The following SLC12A7 variants were observed in gnomAD, a reference collection of about 807,000 sequenced individuals.
SLC12A7 encodes K-Cl cotransporter 4.
A neutral mutation model predicts 120.6 loss-of-function variants in SLC12A7; 100 were observed. That is an observed-to-expected ratio of 0.83 (90% CI 0.71 to 0.98). The LOEUF is 0.98. SLC12A7 is among the 50% of genes least tolerant of loss of function. The pLI is 0.00. For missense variants in SLC12A7, 1,373 were observed against 1,548.1 expected (o/e 0.89, Z 1.90); for synonymous variants, 760 against 678.0 (o/e 1.12, Z -1.88).
At chr5:1,096,779 GGGAGGGAGGGAA>G (rs1741241614) in intron 1 of SLC12A7, among the ~76,000 whole-genome samples, 1 of 7,044 alleles carries the variant, frequency 1.4e-4, no homozygotes, top group Non-Finnish European at 2.8e-4. Context: ...GAGGGAGGGG[GGGAGGGAGGGAA>G]GGAAGGAGGG....
rs533563572 is a variant in SLC12A7 at position 1,078,819 on chromosome 5, G to C, written c.1397-61C>G. 1,266 of 628,922 alleles carry C rather than the reference G, an allele frequency of 2.0e-3. 18 individuals are homozygous for C. In the African/African-American group the frequency reaches 0.02, roughly 10 times the overall value. The allele number at this position is 628,922 out of a possible 1,614,324, so 39.0% of individuals were successfully genotyped here. A position where few individuals can be genotyped will look rare whatever the true frequency, so the allele number is the denominator to read the frequency against. On this transcript the variant is annotated intron_variant, in intron 10 of 23. Transcript: ENST00000264930. ...TGCAGGGTCCTCAGGTACGGGGGGT[G>C]GGGTGGGGTGGGGTGGGGTGGGTGG...
intron 3 of SLC12A7, among the ~76,000 whole-genome samples, chr5:1,090,485 G>A (rs1740375922): frequency 6.6e-6 from 1 of 152,202 alleles, no homozygotes; most frequent in Non-Finnish European, 1.5e-5. Context: ...ATCTGGGTAT[G>A]CTTTGTTCTT....
the SLC12A7 span, among the ~76,000 whole-genome samples, chr5:1,127,579 G>C: frequency 1.3e-5 from 2 of 152,226 alleles, no homozygotes; most frequent in Admixed American, 1.3e-4. Flanking sequence ...ACAGCAGTCC[G>C]AGGAAACTGA....
intron 3 of SLC12A7, among the ~76,000 whole-genome samples, chr5:1,089,444 C>T (rs1013648178): frequency 2.6e-5 from 4 of 152,140 alleles, no homozygotes; most frequent in Admixed American, 6.5e-5. Flanking sequence ...AGAGGGAGAA[C>T]GAGAGGGCCC....
intron 1 of SLC12A7, among the ~76,000 whole-genome samples, chr5:1,110,371 G>A (rs377535245): frequency 1.3e-5 from 2 of 152,254 alleles, no homozygotes; most frequent in African/African-American, 2.4e-5. Context: ...CTGAGTGCGC[G>A]GGCAGCGACA....
rs903722954 is a variant in SLC12A7, at chr5:1,060,650, C to T, written c.2740-199G>A. 7.9e-4 allele frequency among the ~76,000 whole-genome samples: 120 copies of T among 152,212 alleles called. 1 individual carries two copies. The highest frequency in any genetic ancestry group is 2.7e-3 in the African/African-American group (110 of 41,452). On this transcript the variant is annotated intron_variant, in intron 20 of 23. Transcript: ENST00000264930. ...GTGAGCGCACGATGGGCAGTCACGC[C>T]GCACACACGCTCTGCTCATGTCCCT...
Position 1,073,633 on chromosome 5 carries a change from C to T in SLC12A7, c.2241G>A (p.Glu747=). 1 of 1,600,606 alleles carries T rather than the reference C, an allele frequency of 6.2e-7. No individual in the cohort carries two copies. Among genetic ancestry groups the T allele is most frequent in the East Asian group, 2.3e-5 (1 of 43,426 alleles). Reference sequence around the variant, plus strand: ...GGCCCCCAGACCCCGCCCGGCCCACCTCCTCGGCCCGCTGAGCCTCCATGT... The same window carrying T: ...GGCCCCCAGACCCCGCCCGGCCCACTTCCTCGGCCCGCTGAGCCTCCATGT... ...DKHMEAQRAE[E]NIRSLMSTEK... Residue 747 remains glutamate (E), a splice_region_variant and synonymous_variant, in exon 17 of 24, where the codon GAG becomes GAA. Coordinates refer to ENST00000264930, the MANE Select transcript of SLC12A7 (RefSeq NM_006598.3).
chr5:1,085,126 T>C, intron 7 of SLC12A7, 106 bp downstream of exon 7: 3 of 1,469,578 alleles, frequency 2.0e-6, no homozygotes, highest in East Asian at 2.4e-5. Flanking sequence ...AGCCCACCCC[T>C]TGCGGGGAGC....
intron 1 of SLC12A7, among the ~76,000 whole-genome samples, chr5:1,102,641 G>A (rs1742130566): frequency 6.6e-6 from 1 of 152,174 alleles, no homozygotes; most frequent in Non-Finnish European, 1.5e-5. Flanking sequence ...CCGGACCTGT[G>A]CACACAGAGA....
chr5:1,054,529 G>C (rs545306108), intron 22 of SLC12A7, among the ~76,000 whole-genome samples: 1 of 152,346 alleles, frequency 6.6e-6, no homozygotes, highest in South Asian at 2.1e-4. Context: ...GAGCACTTGC[G>C]TTTCTGTGTT....
intron 22 of SLC12A7, among the ~76,000 whole-genome samples, chr5:1,055,526 G>A (rs1735519914): frequency 6.6e-6 from 1 of 152,180 alleles, no homozygotes; most frequent in South Asian, 2.1e-4. Flanking sequence ...AGAAACTGCT[G>A]GGCCAAGAGA....
In SLC12A7 at chr5:1,078,788, C is replaced by T. The variant is rs372308105; in HGVS notation, c.1397-30G>A. ...AGCCCTCGTCAAGGAAAGGCAGGTC[C>T]GTGGGTGCAGGGTCCTCAGGTACGG... On this transcript the variant is annotated intron_variant, in intron 10 of 23. Coordinates refer to ENST00000264930, the MANE Select transcript of SLC12A7 (RefSeq NM_006598.3). The T allele has an allele frequency of 7.2e-5, 86 of 1,191,032 alleles. 1 individual carries two copies. The highest frequency in any genetic ancestry group is 8.6e-5 in the Non-Finnish European group (78 of 907,214). 73.8% of individuals were successfully genotyped at this position (1,191,032 alleles called of 1,614,324 possible).
upstream of SLC12A7, among the ~76,000 whole-genome samples, chr5:1,113,205 C>T (rs569112072): frequency 1.3e-5 from 2 of 152,226 alleles, no homozygotes; most frequent in African/African-American, 4.8e-5. Flanking sequence ...AACTGCTGTA[C>T]GACAACAAAG....
At chr5:1,052,761 T>C (rs1254358894) in intron 23 of SLC12A7, among the ~76,000 whole-genome samples, 1 of 152,128 alleles carries the variant, frequency 6.6e-6, no homozygotes, top group Non-Finnish European at 1.5e-5. Context: ...GACTGGGTCC[T>C]CACCAGCCTA....
At position 1,073,771 on chromosome 5, in the gene SLC12A7, G is replaced by A. The variant is rs145211606; in HGVS notation, c.2103C>T (p.Asp701=). ...RPQVLVMLNL[D]AEQAVKHPRL... ...GGGGGTGCTTCACGGCCTGCTCCGC[G>A]TCCAGGTTCAGCATCACCAGCACCT... The change falls in exon 17 of 24, where the codon GAC becomes GAT. Residue 701 remains aspartate (D), a synonymous_variant. Coordinates refer to ENST00000264930, the MANE Select transcript of SLC12A7 (RefSeq NM_006598.3). 7.5e-3 allele frequency: 11,148 copies of A among 1,479,958 alleles called. 101 individuals are homozygous for A. Among genetic ancestry groups the A allele is most frequent in the South Asian group, 0.034 (2,412 of 70,816 alleles). The allele number at this position is 1,479,958 out of a possible 1,614,324, so 91.7% of individuals were successfully genotyped here. A position where few individuals can be genotyped will look rare whatever the true frequency, so the allele number is the denominator to read the frequency against.
intron 12 of SLC12A7, among the ~76,000 whole-genome samples, chr5:1,077,201 G>A (rs1285704771): frequency 6.6e-6 from 1 of 152,228 alleles, no homozygotes; most frequent in Non-Finnish European, 1.5e-5. Flanking sequence ...CTGTGTGCCT[G>A]TCCCCTTCCT....
chr5:1,133,454 G>C, the SLC12A7 span, among the ~76,000 whole-genome samples: 1 of 152,296 alleles, frequency 6.6e-6, no homozygotes, highest in Admixed American at 6.5e-5. Flanking sequence ...GAGAGGGCTG[G>C]GTGAGGTGGG....
the SLC12A7 span, among the ~76,000 whole-genome samples, chr5:1,146,473 A>C: frequency 1.3e-5 from 2 of 152,136 alleles, no homozygotes; most frequent in South Asian, 4.1e-4. This position sits in a 1 kb window ranked among gnomAD's most constrained non-coding sequence, Gnocchi z 6.5. Context: ...GTAAACAAAA[A>C]ATAAAATTCT....
chr5:1,082,449 G>C, intron 8 of SLC12A7, among the ~76,000 whole-genome samples: 1 of 138,600 alleles, frequency 7.2e-6, no homozygotes, highest in Middle Eastern at 5.3e-3. Flanking sequence ...GTTCTGGAAA[G>C]CCTGGGCTTC....
Sources: allele counts gnomAD v4.1 joint callset (sites outside exome capture counted in the v4.1 genomes callset), GRCh38; gene constraint gnomAD v4.1.1; non-coding constraint Gnocchi (gnomAD v3.1); transcripts MANE v1.5; gene names NCBI Gene and HGNC (gene_info 2026-07-23, HGNC 2026-07-21).